Variants in SLC14A2 observed in about 807,000 individuals in gnomAD.
SLC14A2 encodes solute carrier family 14 member 2.
In SLC14A2, 91 loss-of-function variants were observed where a neutral mutation model predicts 104.6. The ratio of observed to expected loss-of-function variants is 0.87; its 90% CI spans 0.73 to 1.04. SLC14A2 has a LOEUF of 1.04. SLC14A2 is among the 50% of genes least tolerant of loss of function. SLC14A2 has a pLI of 0.00. For missense variants in SLC14A2, 1,189 were observed against 1,156.0 expected (o/e 1.03, Z -0.41); for synonymous variants, 476 against 466.4 (o/e 1.02, Z -0.27).
intron 2 of SLC14A2, among the ~76,000 whole-genome samples, chr18:45,552,901 G>T (rs2044076473): frequency 6.6e-6 from 1 of 152,226 alleles, no homozygotes; most frequent in Admixed American, 6.5e-5. Flanking sequence ...CTTTAGCTCA[G>T]GGTGAGATAG....
chr18:45,389,659 T>C (rs1393099058), intron 1 of SLC14A2, among the ~76,000 whole-genome samples: 1 of 152,206 alleles, frequency 6.6e-6, no homozygotes, highest in Non-Finnish European at 1.5e-5. Flanking sequence ...GCTTTATATT[T>C]GAGAATATTT....
intron 2 of SLC14A2, among the ~76,000 whole-genome samples, chr18:45,582,616 A>G (rs1454609415): frequency 6.6e-6 from 1 of 152,226 alleles, no homozygotes; most frequent in Non-Finnish European, 1.5e-5. Flanking sequence ...TGCTGATTTT[A>G]GAGATGAGGA....
the SLC14A2 span, among the ~76,000 whole-genome samples, chr18:45,170,283 G>T: frequency 6.6e-6 from 1 of 152,132 alleles, no homozygotes; most frequent in South Asian, 2.1e-4. Context: ...GAGAGGCAGA[G>T]GTGAGGAGCA....
chr18:45,275,613 A>G (rs2084693993), intron 1 of SLC14A2, among the ~76,000 whole-genome samples: 1 of 152,202 alleles, frequency 6.6e-6, no homozygotes, highest in Non-Finnish European at 1.5e-5. Context: ...ATTAGACAGT[A>G]TATGTAAAGA....
intron 1 of SLC14A2, among the ~76,000 whole-genome samples, chr18:45,282,625 C>A (rs2084773912): frequency 6.6e-6 from 1 of 152,148 alleles, no homozygotes; most frequent in Admixed American, 6.5e-5. Flanking sequence ...TACCCTGGAG[C>A]ACATCTGCAC....
At chr18:45,206,482 G>T in the SLC14A2 span, among the ~76,000 whole-genome samples, 1 of 151,976 alleles carries the variant, frequency 6.6e-6, no homozygotes, top group Admixed American at 6.6e-5. Context: ...ACTGCCTAAA[G>T]GTATTCAGCG....
At chr18:45,522,140 G>A (rs189162740) in intron 2 of SLC14A2, among the ~76,000 whole-genome samples, 4 of 152,304 alleles carry the variant, frequency 2.6e-5, no homozygotes, top group Middle Eastern at 3.4e-3. Flanking sequence ...CATCCTTCAC[G>A]TGGGGTTACT....
At chr18:45,519,022 T>G (rs1389568844) in intron 2 of SLC14A2, among the ~76,000 whole-genome samples, 1 of 152,118 alleles carries the variant, frequency 6.6e-6, no homozygotes, top group Non-Finnish European at 1.5e-5. Context: ...GGGAATCAAT[T>G]AACAATAAGC....
At chr18:45,650,834 G>C (rs2045723362) in intron 10 of SLC14A2, among the ~76,000 whole-genome samples, 4 of 152,104 alleles carry the variant, frequency 2.6e-5, no homozygotes, top group Non-Finnish European at 1.5e-5. Flanking sequence ...CCACCTCCCA[G>C]GTTCAAGCGA....
At chr18:45,352,691 C>T (rs2085515183) in intron 1 of SLC14A2, among the ~76,000 whole-genome samples, 3 of 151,850 alleles carry the variant, frequency 2.0e-5, no homozygotes, top group South Asian at 4.2e-4. Context: ...GTGGTAAGAA[C>T]AGGTAAGAGG....
At position 45,338,682 on chromosome 18, in the gene SLC14A2, CAAAAAAAAAAA is replaced by C. The variant is rs59474827; in HGVS notation, c.-125+125511_-125+125521del. 6.0e-4 allele frequency among the ~76,000 whole-genome samples: 31 copies of C among 51,856 alleles called. No individual in the cohort carries two copies. In the East Asian group the frequency reaches 0.018, roughly 30 times the overall value. 34.0% of individuals were successfully genotyped at this position (51,856 alleles called of 152,430 possible). On this transcript the variant is annotated intron_variant, in intron 1 of 20. Coordinates refer to the SLC14A2 transcript ENST00000586448. ...GGCCATAGTAACTCACACTGGCTCA[CAAAAAAAAAAA>C]AAAAAAAAAAAAAAAAAAACTCTTT...
chr18:45,202,318 G>A, the SLC14A2 span, among the ~76,000 whole-genome samples: 1 of 152,254 alleles, frequency 6.6e-6, no homozygotes, highest in Admixed American at 6.5e-5. Flanking sequence ...GAGGCTTAAA[G>A]GGAGTTGATC....
At chr18:45,320,287 A>T (rs769851067) in intron 1 of SLC14A2, among the ~76,000 whole-genome samples, 10 of 152,126 alleles carry the variant, frequency 6.6e-5, no homozygotes, top group Non-Finnish European at 1.5e-4. Context: ...TTCATTTTCT[A>T]AAAGGTTTGA....
chr18:45,488,370 C>A (rs183874117), intron 2 of SLC14A2, among the ~76,000 whole-genome samples: 2 of 152,262 alleles, frequency 1.3e-5, no homozygotes, highest in South Asian at 2.1e-4. Context: ...TTGGCAGAGG[C>A]TGAGGGCAGG....
At chr18:45,444,433 G>A (rs2362841) in intron 1 of SLC14A2, among the ~76,000 whole-genome samples, 85,141 of 152,076 alleles carry the variant, frequency 0.56, 24,038 homozygotes, top group Admixed American at 0.68. Context: ...GCTGAATTCT[G>A]TCATGAAGGA....
chr18:45,536,181 G>T lies in SLC14A2; in HGVS notation c.-35+52859G>T, dbSNP rs142989881. On this transcript the variant is annotated intron_variant, in intron 2 of 20. Coordinates refer to the SLC14A2 transcript ENST00000586448. The stretch of plus-strand genomic sequence containing the variant: ...GAGAGCATGGTGGTTGTGCCCTGAG[G>T]TGGTGTCCAGCAATCTGTTAATGCT... Among the ~76,000 whole-genome samples, 117 of 152,322 alleles carry T rather than the reference G, an allele frequency of 7.7e-4. No homozygotes were observed. In the East Asian group the frequency reaches 0.018, roughly 24 times the overall value.
At chr18:45,583,566 T>G (rs530422206) in intron 2 of SLC14A2, among the ~76,000 whole-genome samples, 10 of 152,140 alleles carry the variant, frequency 6.6e-5, no homozygotes, top group Non-Finnish European at 1.3e-4. Flanking sequence ...TGATTGTGGA[T>G]GAATGAATAA....
At chr18:45,251,652 C>A (rs1027189803) in intron 1 of SLC14A2, among the ~76,000 whole-genome samples, 3 of 152,214 alleles carry the variant, frequency 2.0e-5, no homozygotes, top group Non-Finnish European at 4.4e-5. Flanking sequence ...CCTGTGTCTT[C>A]ACGTGGCCTT....
intron 1 of SLC14A2, among the ~76,000 whole-genome samples, chr18:45,616,368 A>G (rs946360070): frequency 6.6e-6 from 1 of 152,130 alleles, no homozygotes; most frequent in African/African-American, 2.4e-5. Flanking sequence ...CTATTATTCT[A>G]TATTAGTTCA....
Sources: allele counts gnomAD v4.1 joint callset (sites outside exome capture counted in the v4.1 genomes callset), GRCh38; gene constraint gnomAD v4.1.1; transcripts MANE v1.5; gene names NCBI Gene and HGNC (gene_info 2026-07-23, HGNC 2026-07-21).